The following RELN variants were observed in gnomAD, a reference collection of about 807,000 sequenced individuals.
RELN encodes the protein reelin.
Under a neutral mutation model 427.6 loss-of-function variants are expected in RELN, and 108 were observed. That is an observed-to-expected ratio of 0.25 (90% CI 0.22 to 0.30). RELN has a LOEUF of 0.30. RELN is among the 10% of genes least tolerant of loss of function. RELN has a pLI of 1.00. For missense variants in RELN, 3,715 were observed against 4,302.8 expected (o/e 0.86, Z 3.82); for synonymous variants, 1,524 against 1,513.4 (o/e 1.01, Z -0.16).
intron 3 of RELN, among the ~76,000 whole-genome samples, chr7:103,777,890 C>CACACACACAG (rs1791785429): frequency 6.6e-6 from 1 of 151,272 alleles, no homozygotes; most frequent in African/African-American, 2.4e-5. Flanking sequence ...CCTTCACACA[C>CACACACACAG]ACACACACAC....
intron 1 of RELN, among the ~76,000 whole-genome samples, chr7:103,958,831 T>C (rs1020851738): frequency 2.0e-5 from 3 of 152,190 alleles, no homozygotes; most frequent in Non-Finnish European, 4.4e-5. Context: ...GCCAGAGCCC[T>C]AGGGATCATC....
At position 103,957,815 on chromosome 7, in the gene RELN, C is replaced by T. The variant is rs183632025; in HGVS notation, c.226+31316G>A. On this transcript the variant is annotated intron_variant, in intron 1 of 64. Coordinates refer to ENST00000428762, the MANE Select transcript of RELN (RefSeq NM_005045.4). ...CCATCTGTGGAGCAGAGAGGAAACA[C>T]ACTAAATCTGCAAAAAAATCCTCAT... Among the ~76,000 whole-genome samples the T allele has an allele frequency of 1.9e-3, 296 of 152,302 alleles. 4 individuals are homozygous for T. Among genetic ancestry groups the T allele is most frequent in the Middle Eastern group, 6.8e-3 (2 of 294 alleles).
intron 10 of RELN, 142 bp downstream of exon 10, chr7:103,697,703 AGGTAGGGT>A: frequency 9.5e-7 from 1 of 1,051,602 alleles, no homozygotes; most frequent in Non-Finnish European, 1.4e-6. Context: ...CATCCTTAAA[AGGTAGGGT>A]AATATAAATA....
intron 3 of RELN, among the ~76,000 whole-genome samples, chr7:103,802,631 CTG>C (rs1350380623): frequency 2.6e-5 from 4 of 152,244 alleles, no homozygotes; most frequent in African/African-American, 7.2e-5. Context: ...AATATTAGCA[CTG>C]TGCATTAAAT....
chr7:103,490,863 G>T (rs751623175), intron 58 of RELN, 34 bp from the exon 59 acceptor site: 4 of 1,610,736 alleles, frequency 2.5e-6, no homozygotes, highest in African/African-American at 2.7e-5. Context: ...TAGACAAATT[G>T]TAAGAGAAAC....
chr7:103,908,905 G>C (rs1200547878), intron 2 of RELN, among the ~76,000 whole-genome samples: 4 of 152,104 alleles, frequency 2.6e-5, no homozygotes. Flanking sequence ...AATTAATCTG[G>C]AGTCTTCTTG....
At chr7:103,635,217 C>A (rs527900793) in intron 19 of RELN, among the ~76,000 whole-genome samples, 1 of 152,286 alleles carries the variant, frequency 6.6e-6, no homozygotes, top group Non-Finnish European at 1.5e-5. Context: ...ATATTTAAAA[C>A]TATGACAATA....
At chr7:103,766,743 C>T (rs1039742860) in intron 4 of RELN, among the ~76,000 whole-genome samples, 1 of 152,168 alleles carries the variant, frequency 6.6e-6, no homozygotes, top group Non-Finnish European at 1.5e-5. Flanking sequence ...ATCCAAGGGC[C>T]CTTAGAGAGC....
At chr7:103,857,869 A>G (rs1040031757) in intron 2 of RELN, among the ~76,000 whole-genome samples, 4 of 152,108 alleles carry the variant, frequency 2.6e-5, no homozygotes, top group South Asian at 2.1e-4. Context: ...GAATTGGGGG[A>G]AAAAAGCCAC....
intron 7 of RELN, among the ~76,000 whole-genome samples, chr7:103,725,654 A>C (rs1790193642): frequency 6.6e-6 from 1 of 152,184 alleles, no homozygotes; most frequent in African/African-American, 2.4e-5. Context: ...TTCTGAGAGC[A>C]TATTTTCCTT....
At chr7:103,638,278 C>A (rs147152703) in intron 17 of RELN, among the ~76,000 whole-genome samples, 1 of 152,098 alleles carries the variant, frequency 6.6e-6, no homozygotes, top group Non-Finnish European at 1.5e-5. Flanking sequence ...GGATGACACT[C>A]GTGAAGAAAG....
intron 46 of RELN, among the ~76,000 whole-genome samples, chr7:103,534,500 T>G (rs886823849): frequency 3.3e-5 from 5 of 152,136 alleles, no homozygotes; most frequent in African/African-American, 9.7e-5. Context: ...TTTAATTTTT[T>G]TTTTTGAGAC....
At chr7:103,800,469 A>G (rs1792434042) in intron 3 of RELN, among the ~76,000 whole-genome samples, 1 of 152,260 alleles carries the variant, frequency 6.6e-6, no homozygotes, top group Non-Finnish European at 1.5e-5. Context: ...GACAAAAACA[A>G]GATATGGGGA....
chr7:103,743,768 C>T (rs1371247004), intron 6 of RELN, among the ~76,000 whole-genome samples: 1 of 152,072 alleles, frequency 6.6e-6, no homozygotes, highest in East Asian at 1.9e-4. Flanking sequence ...TAAAGCAAGT[C>T]CTGAGTGACC....
Position 103,989,161 on chromosome 7 carries a change from T to G in RELN, c.196A>C (p.Thr66Pro), listed in dbSNP as rs751673305. The G allele has an allele frequency of 6.2e-7, 1 of 1,613,692 alleles. No homozygotes were observed. Among genetic ancestry groups the G allele is most frequent in the Non-Finnish European group, 8.5e-7 (1 of 1,179,920 alleles). Residue 66 changes from threonine (T) to proline (P), a missense_variant, in exon 1 of 65, where the codon ACC becomes CCC. Physicochemically the swap from Thr to Pro is conservative, Grantham distance 38 (BLOSUM62 -1). This residue lies in a region of RELN where 2,208 missense variants were observed against 2,361.7 expected (regional missense o/e 0.93). Coordinates refer to ENST00000428762, the MANE Select transcript of RELN (RefSeq NM_005045.4). This position sits in a 1 kb window ranked among gnomAD's most constrained non-coding sequence, Gnocchi z 4.9. ...LISLHIAGNP[T>P]YYVPGQEYHV... Reference sequence around the variant, plus strand: ...TATTCTTGTCCCGGAACGTAGTAGGTGGGGTTGCCCGCAATATGCAGGGAA... The same window carrying G: ...TATTCTTGTCCCGGAACGTAGTAGGGGGGGTTGCCCGCAATATGCAGGGAA...
intron 1 of RELN, among the ~76,000 whole-genome samples, chr7:103,942,542 C>T (rs1796136170): frequency 6.6e-6 from 1 of 152,238 alleles, no homozygotes; most frequent in African/African-American, 2.4e-5. Context: ...TACCAAAAAT[C>T]TAAGAAGCAG....
intron 36 of RELN, among the ~76,000 whole-genome samples, chr7:103,561,314 G>T (rs1372188918): frequency 6.6e-6 from 1 of 152,128 alleles, no homozygotes; most frequent in Non-Finnish European, 1.5e-5. Flanking sequence ...AGTAAGGAAG[G>T]TCTGATCACC....
At chr7:103,759,675 G>C (rs911400346) in intron 4 of RELN, among the ~76,000 whole-genome samples, 3 of 152,028 alleles carry the variant, frequency 2.0e-5, no homozygotes, top group Non-Finnish European at 4.4e-5. Context: ...GGTATGAGAA[G>C]AACCACTTTT....
intron 8 of RELN, among the ~76,000 whole-genome samples, chr7:103,721,350 C>CT (rs1790071687): frequency 6.6e-6 from 1 of 151,950 alleles, no homozygotes; most frequent in South Asian, 2.1e-4. Context: ...GGCCTGATGG[C>CT]TACAGTCCTC....
Sources: allele counts gnomAD v4.1 joint callset (sites outside exome capture counted in the v4.1 genomes callset), GRCh38; gene constraint gnomAD v4.1.1; regional missense constraint gnomAD v4.1.1; non-coding constraint Gnocchi (gnomAD v3.1); transcripts MANE v1.5; gene names NCBI Gene and HGNC (gene_info 2026-07-23, HGNC 2026-07-21).